Variants in RBBP4 observed in about 807,000 individuals in gnomAD.
RBBP4 encodes the protein histone-binding protein RBBP4.
A neutral mutation model predicts 57.2 loss-of-function variants in RBBP4; 3 were observed. That is an observed-to-expected ratio of 0.05 (90% CI 0.02 to 0.14). The LOEUF is 0.14. Ranked by LOEUF, RBBP4 falls within the 10% of genes least tolerant of loss-of-function variation. The probability of loss-of-function intolerance (pLI) is 1.00; values close to 1 mark genes in which losing one functional copy is unlikely to be tolerated. For missense variants in RBBP4, 107 were observed against 520.6 expected, an observed-to-expected ratio of 0.21 and a Z score of 7.73; for synonymous variants, 151 against 171.5, an observed-to-expected ratio of 0.88 and a Z score of 0.93.
chr1:32,672,440 C>G lies in RBBP4; in HGVS notation c.967-10C>G. The G allele has an allele frequency of 6.4e-7, 1 of 1,572,072 alleles. No individual in the cohort carries two copies. The highest frequency in any genetic ancestry group is 2.3e-5 in the East Asian group (1 of 44,358). On this transcript the variant is annotated splice_polypyrimidine_tract_variant and intron_variant, in intron 8 of 11. Transcript: ENST00000373493. Reference sequence around the variant, plus strand: ...CATGGCTTTGCTCTTTTCTTCATTCCTATGTGTAGGTTCAGTGGTCACCTC... The same window carrying G: ...CATGGCTTTGCTCTTTTCTTCATTCGTATGTGTAGGTTCAGTGGTCACCTC...
In RBBP4 at chr1:32,684,064, C is replaced by T; in HGVS notation, c.*4359C>T. ...TGAGAAGTGGGAGCATCAGCCTGTT[C>T]CAGGCTCTTGGGTAGTAGCATAGCC... On this transcript the variant is annotated 3_prime_UTR_variant, in exon 12 of 12. Transcript: ENST00000373493. The T allele has an allele frequency of 3.1e-6, 5 of 1,614,092 alleles. No individual in the cohort carries two copies. Among genetic ancestry groups the T allele is most frequent in the Non-Finnish European group, 4.2e-6 (5 of 1,180,008 alleles).
At chr1:32,653,204 G>A (rs1647968545) in intron 2 of RBBP4, among the ~76,000 whole-genome samples, 1 of 152,080 alleles carries the variant, frequency 6.6e-6, no homozygotes, top group South Asian at 2.1e-4. Context: ...ATTATCAGAG[G>A]AAGGAAAATT....
intron 8 of RBBP4, 25 bp from the exon 9 acceptor site, chr1:32,672,425 C>G: frequency 6.6e-7 from 1 of 1,507,468 alleles, no homozygotes; most frequent in Non-Finnish European, 9.0e-7. Flanking sequence ...CATGGCTTTG[C>G]TCTTTTCTTC....
chr1:32,677,427 G>C (rs918843209), intron 11 of RBBP4, among the ~76,000 whole-genome samples: 5 of 150,788 alleles, frequency 3.3e-5, no homozygotes, highest in Non-Finnish European at 7.4e-5. Flanking sequence ...CCACCTTGCC[G>C]TATGCATCTC....
rs1266789368 is a variant in RBBP4, at chr1:32,682,643, C to T, written c.*2938C>T. On this transcript the variant is annotated 3_prime_UTR_variant, in exon 12 of 12. Transcript: ENST00000373493. ...AAAACTAGCTGGCCGTGGTGGCATG[C>T]TCCTGTAGTCCCAGCTACTCAGGAG... 6.6e-6 allele frequency: 1 copy of T among 151,244 alleles called. No individual in the cohort carries two copies. The highest frequency in any genetic ancestry group is 2.4e-5 in the African/African-American group (1 of 41,092). The allele number at this position is 151,244 out of a possible 1,614,324, so 9.4% of individuals were successfully genotyped here. A position where few individuals can be genotyped will look rare whatever the true frequency, so the allele number is the denominator to read the frequency against.
At chr1:32,658,396 A>C (rs1648238723) in intron 3 of RBBP4, among the ~76,000 whole-genome samples, 1 of 152,024 alleles carries the variant, frequency 6.6e-6, no homozygotes, top group Admixed American at 6.6e-5. Flanking sequence ...CACTAACTTA[A>C]ATTACCCTTT....
At position 32,681,962 on chromosome 1, in the gene RBBP4, C is replaced by T; in HGVS notation, c.*2257C>T. 9.4e-7 allele frequency: 1 copy of T among 1,062,134 alleles called. No homozygotes were observed. The highest frequency in any genetic ancestry group is 1.4e-5 in the South Asian group (1 of 73,246). The allele number at this position is 1,062,134 out of a possible 1,614,324, so 65.8% of individuals were successfully genotyped here. On this transcript the variant is annotated 3_prime_UTR_variant, in exon 12 of 12. Coordinates refer to ENST00000373493, the MANE Select transcript of RBBP4 (RefSeq NM_005610.3). Reference sequence around the variant, plus strand: ...TGTTACAGTGTGATTTATGGATGATCAGGGATGACTTTCCCCTAGCAAATA... The same window carrying T: ...TGTTACAGTGTGATTTATGGATGATTAGGGATGACTTTCCCCTAGCAAATA...
At chr1:32,654,201 C>T (rs1648035656) in intron 2 of RBBP4, among the ~76,000 whole-genome samples, 1 of 151,932 alleles carries the variant, frequency 6.6e-6, no homozygotes, top group South Asian at 2.1e-4. Context: ...GGTGAAAAGC[C>T]CGTCTCTACT....
At chr1:32,651,714 G>A (rs867546605) in intron 1 of RBBP4, 200 bp from the exon 2 acceptor site, 6 of 788,684 alleles carry the variant, frequency 7.6e-6, no homozygotes, top group South Asian at 3.9e-5. Context: ...GGCCTGGAAC[G>A]GGTAACGGAG....
intron 2 of RBBP4, among the ~76,000 whole-genome samples, chr1:32,656,677 A>T (rs1177591526): frequency 4.5e-5 from 6 of 132,628 alleles, no homozygotes; most frequent in Non-Finnish European, 5.0e-5. Flanking sequence ...TGAGGTCAGG[A>T]ATCATGTCTT....
intron 3 of RBBP4, among the ~76,000 whole-genome samples, chr1:32,662,908 C>G (rs181273267): frequency 6.6e-5 from 10 of 152,024 alleles, no homozygotes; most frequent in African/African-American, 2.2e-4. Flanking sequence ...CGCTTGAACC[C>G]AGGAGGCGGA....
rs201540189 is a variant in RBBP4, at chr1:32,657,606, T to G, written c.310+34T>G. On this transcript the variant is annotated intron_variant, in intron 3 of 11. Transcript: ENST00000373493. ...CTTAAAGGTGAAAGAAGTAAAGATGTGTGGGTCATATCTGTTATGTGCACT... is the reference window on the plus strand; with the variant it reads ...CTTAAAGGTGAAAGAAGTAAAGATGGGTGGGTCATATCTGTTATGTGCACT... The G allele has an allele frequency of 1.4e-5, 22 of 1,606,274 alleles. No individual in the cohort carries two copies. In the East Asian group the frequency reaches 4.5e-4, roughly 33 times the overall value.
chr1:32,659,187 TAC>T (rs1045385227), intron 3 of RBBP4, among the ~76,000 whole-genome samples: 140 of 149,908 alleles, frequency 9.3e-4, no homozygotes, highest in Non-Finnish European at 1.6e-3. Context: ...TATAAATGTA[TAC>T]ACACACATAT....
In RBBP4 at chr1:32,681,955, G is replaced by A; in HGVS notation, c.*2250G>A. On this transcript the variant is annotated 3_prime_UTR_variant, in exon 12 of 12. Coordinates refer to ENST00000373493, the MANE Select transcript of RBBP4 (RefSeq NM_005610.3). ...AAGAGATTGTTACAGTGTGATTTAT[G>A]GATGATCAGGGATGACTTTCCCCTA... The A allele has an allele frequency of 1.8e-6, 2 of 1,081,810 alleles. No individual in the cohort carries two copies. Among genetic ancestry groups the A allele is most frequent in the South Asian group, 1.3e-5 (1 of 74,274 alleles). The allele number at this position is 1,081,810 out of a possible 1,614,324, so 67.0% of individuals were successfully genotyped here.
At chr1:32,673,555 A>C in intron 11 of RBBP4, 1 of 387,518 alleles carries the variant, frequency 2.6e-6, no homozygotes, top group Non-Finnish European at 5.0e-6. Context: ...CTCCTGCCTC[A>C]GCCTTCTGAG....
rs1032268586 is a variant in RBBP4, at chr1:32,680,841, A to G, written c.*1136A>G. On this transcript the variant is annotated 3_prime_UTR_variant, in exon 12 of 12. Coordinates refer to ENST00000373493, the MANE Select transcript of RBBP4 (RefSeq NM_005610.3). Reference sequence around the variant, plus strand: ...TCCCAGGGAAAGTGAAAGACATAAAACACTGAATCAGAGGTGGCACAGATT... The same window carrying G: ...TCCCAGGGAAAGTGAAAGACATAAAGCACTGAATCAGAGGTGGCACAGATT... 17 of 353,030 alleles carry G rather than the reference A, an allele frequency of 4.8e-5. No homozygotes were observed. Among genetic ancestry groups the G allele is most frequent in the Non-Finnish European group, 8.7e-5 (17 of 195,480 alleles). The allele number at this position is 353,030 out of a possible 1,614,324, so 21.9% of individuals were successfully genotyped here.
In RBBP4 at chr1:32,669,312, C is replaced by G. The variant is rs1648774618; in HGVS notation, c.843C>G (p.Phe281Leu). 1 of 1,612,392 alleles carries G rather than the reference C, an allele frequency of 6.2e-7. No individual in the cohort carries two copies. The highest frequency in any genetic ancestry group is 8.5e-7 in the Non-Finnish European group (1 of 1,179,980). ...CTGCTGAAGTGAACTGCCTTTCTTT[C>G]AATCCTTATAGTGAGTTCATTCTTG... ...AHTAEVNCLS[F>L]NPYSEFILAT... is the part of the protein sequence containing the mutation. The change falls in exon 7 of 12, where the codon TTC (phenylalanine) becomes TTG (leucine). Residue 281 changes from phenylalanine (F) to leucine (L), a missense_variant. By Grantham distance (22) the Phe-to-Leu change is conservative (BLOSUM62 0). Around this residue, in one of 3 missense-constraint regions of RBBP4, gnomAD observed 92 missense variants for 408.5 expected, o/e 0.23. Transcript: ENST00000373493. The surrounding 1 kb of genome is among the most constrained non-coding windows in gnomAD (Gnocchi z 4.9).
At chr1:32,653,581 A>AT (rs1647988017) in intron 2 of RBBP4, among the ~76,000 whole-genome samples, 1 of 134,448 alleles carries the variant, frequency 7.4e-6, no homozygotes, top group Admixed American at 7.5e-5. Flanking sequence ...ACAAAACCAT[A>AT]GTAAAAACCT....
intron 11 of RBBP4, among the ~76,000 whole-genome samples, chr1:32,679,181 T>C (rs1196229252): frequency 3.9e-5 from 6 of 152,082 alleles, no homozygotes; most frequent in Admixed American, 3.9e-4. Context: ...CCTGTAATCC[T>C]AGCTACTCTG....
Sources: allele counts gnomAD v4.1 joint callset (sites outside exome capture counted in the v4.1 genomes callset), GRCh38; gene constraint gnomAD v4.1.1; regional missense constraint gnomAD v4.1.1; non-coding constraint Gnocchi (gnomAD v3.1); transcripts MANE v1.5; gene names NCBI Gene and HGNC (gene_info 2026-07-23, HGNC 2026-07-21).